The following B4GALNT3 variants were observed in gnomAD, a reference collection of about 807,000 sequenced individuals.
B4GALNT3 encodes beta-1,4-N-acetylgalactosaminyltransferase 3.
In B4GALNT3, 86 loss-of-function variants were observed where a neutral mutation model predicts 120.2. That is an observed-to-expected ratio of 0.72 (90% CI 0.60 to 0.86). B4GALNT3 has a LOEUF of 0.86. B4GALNT3 is among the 40% of genes least tolerant of loss of function. The pLI is 0.00. For synonymous variants in B4GALNT3, 518 were observed against 510.4 expected, an observed-to-expected ratio of 1.01 and a Z score of -0.20; for missense variants, 1,167 against 1,298.9, an observed-to-expected ratio of 0.90 and a Z score of 1.56.
intron 19 of B4GALNT3, 35 bp from the exon 20 acceptor site, chr12:561,308 C>T: frequency 6.4e-7 from 1 of 1,560,636 alleles, no homozygotes; most frequent in Non-Finnish European, 8.8e-7. Context: ...GCCTTCTGTG[C>T]TTCTGTTGGC....
intron 2 of B4GALNT3, 91 bp from the exon 3 acceptor site, chr12:536,127 G>T: frequency 9.7e-7 from 1 of 1,034,328 alleles, no homozygotes. Flanking sequence ...CCGAGCCGAC[G>T]CCTCCTGGGA....
chr12:487,723 A>G (rs898885079), intron 1 of B4GALNT3, among the ~76,000 whole-genome samples: 2 of 151,716 alleles, frequency 1.3e-5, no homozygotes, highest in Non-Finnish European at 2.9e-5. Flanking sequence ...GAAAAAAAAA[A>G]AAAGAAAGAA....
intron 14 of B4GALNT3, among the ~76,000 whole-genome samples, chr12:555,810 A>T (rs1947145742): frequency 6.6e-6 from 1 of 150,544 alleles, no homozygotes. Flanking sequence ...TTTGAGACGG[A>T]GTCTCGCTCT....
At chr12:543,660 G>A (rs1358262732) in intron 3 of B4GALNT3, among the ~76,000 whole-genome samples, 3 of 68,932 alleles carry the variant, frequency 4.4e-5, no homozygotes, top group East Asian at 4.3e-4. Context: ...GAGCTGGGGC[G>A]GGCATGGGGT....
intron 1 of B4GALNT3, among the ~76,000 whole-genome samples, chr12:512,944 C>CTTCTTCCACCTTCCACCTTCCACT (rs75933547): frequency 0.043 from 5,579 of 131,200 alleles, 235 homozygotes; most frequent in South Asian, 0.063. Context: ...CACCTTCCAC[C>CTTCTTCCACCTTCCACCTTCCACT]TTCTTCCACC....
intron 13 of B4GALNT3, chr12:552,974 T>G: frequency 3.2e-6 from 2 of 620,910 alleles, no homozygotes; most frequent in East Asian, 2.8e-5. Context: ...CACAAACCCA[T>G]GAGAGATGCA....
At chr12:557,994 G>A (rs1335555958) in intron 16 of B4GALNT3, 22 bp from the exon 17 acceptor site, 2 of 1,613,088 alleles carry the variant, frequency 1.2e-6, no homozygotes, top group Non-Finnish European at 8.5e-7. Flanking sequence ...CTGATACGCA[G>A]CCCTCTCTCC....
Position 543,241 on chromosome 12 carries a change from T to G in B4GALNT3, c.352-1098T>G, listed in dbSNP as rs140473464. The G allele has an allele frequency of 3.0e-3, 3,754 of 1,263,864 alleles. 11 individuals carry two copies. The highest frequency in any genetic ancestry group is 4.0e-3 in the South Asian group (319 of 80,450). The allele number at this position is 1,263,864 out of a possible 1,614,324, so 78.3% of individuals were successfully genotyped here. A position where few individuals can be genotyped will look rare whatever the true frequency, so the allele number is the denominator to read the frequency against. ...GAAGTGCTGGGTGCTGGGCTGGGAA[T>G]GGGATAGAGTGGGCCGGACCCGCAC... On this transcript the variant is annotated intron_variant, in intron 3 of 19. Coordinates refer to ENST00000266383, the MANE Select transcript of B4GALNT3 (RefSeq NM_173593.4).
intron 1 of B4GALNT3, among the ~76,000 whole-genome samples, chr12:467,612 C>T (rs1347465460): frequency 6.6e-6 from 1 of 152,166 alleles, no homozygotes; most frequent in African/African-American, 2.4e-5. Flanking sequence ...GCTTATTATA[C>T]TAGACAACAG....
At chr12:514,618 T>A (rs1306108143) in intron 1 of B4GALNT3, among the ~76,000 whole-genome samples, 1 of 152,090 alleles carries the variant, frequency 6.6e-6, no homozygotes, top group Admixed American at 6.6e-5. Flanking sequence ...GAAGAGATGC[T>A]TTTTTTTCTT....
intron 1 of B4GALNT3, among the ~76,000 whole-genome samples, chr12:490,500 G>A (rs1334581553): frequency 6.6e-6 from 1 of 152,168 alleles, no homozygotes; most frequent in Non-Finnish European, 1.5e-5. Context: ...ACTTTGGGAG[G>A]CAGAAGTGGG....
At position 544,895 on chromosome 12, in the gene B4GALNT3, TGAG is replaced by T; in HGVS notation, c.464_466del (p.Arg155del). On this transcript the variant is annotated inframe_deletion, in exon 5 of 20. Coordinates refer to ENST00000266383, the MANE Select transcript of B4GALNT3 (RefSeq NM_173593.4). ...TTCTTGGCATAGATTCGCACAACCCTGAGGAAGCTTGCTGTGTCCCCCAAATGG... is the reference window on the plus strand; with the variant it reads ...TTCTTGGCATAGATTCGCACAACCCTGAAGCTTGCTGTGTCCCCCAAATGG... The T allele has an allele frequency of 6.2e-7, 1 of 1,613,772 alleles. No homozygotes were observed. The highest frequency in any genetic ancestry group is 8.5e-7 in the Non-Finnish European group (1 of 1,179,828).
chr12:558,076 A>G lies in B4GALNT3; in HGVS notation c.2595A>G (p.Ile865Met), dbSNP rs1302583068. 4 of 1,613,786 alleles carry G rather than the reference A, an allele frequency of 2.5e-6. No homozygotes were observed. In the South Asian group the frequency reaches 4.4e-5, roughly 18 times the overall value. ...GCTCAGCTGGACTTCAGGCTGGCAT[A>G]GACCTCGTGAAGGTAAAGGGCCTGG... ...FERSAGLQAG[I>M]DLVKDPHSII... Residue 865 changes from isoleucine to methionine, a missense_variant, in exon 17 of 20, where the codon ATA becomes ATG. Ile to Met is a conservative substitution (Grantham distance 10, BLOSUM62 1). Transcript: ENST00000266383.
intron 1 of B4GALNT3, among the ~76,000 whole-genome samples, chr12:467,292 C>T (rs1193807224): frequency 3.3e-5 from 5 of 152,094 alleles, no homozygotes; most frequent in Non-Finnish European, 7.4e-5. Context: ...GGTGTGGTGG[C>T]TCACACCTGT....
chr12:523,853 G>T (rs1317360273), intron 1 of B4GALNT3, among the ~76,000 whole-genome samples: 2 of 152,174 alleles, frequency 1.3e-5, no homozygotes, highest in Non-Finnish European at 2.9e-5. Context: ...ACGAGGTCAG[G>T]AGTTCGAGAC....
At chr12:552,915 G>T in intron 13 of B4GALNT3, 1 of 519,032 alleles carries the variant, frequency 1.9e-6, no homozygotes, top group Non-Finnish European at 3.4e-6. Context: ...GGTCCCTCAG[G>T]TGCTATGCAC....
At chr12:545,246 A>C in intron 5 of B4GALNT3, 123 bp from the exon 6 acceptor site, 1 of 1,471,192 alleles carries the variant, frequency 6.8e-7, no homozygotes. Context: ...CCCACTTTAC[A>C]GAGAGGGAAG....
intron 1 of B4GALNT3, among the ~76,000 whole-genome samples, chr12:516,039 G>A (rs1337936892): frequency 2.0e-5 from 3 of 151,952 alleles, no homozygotes; most frequent in East Asian, 1.9e-4. Flanking sequence ...CCAGCTACTC[G>A]GGAGGCTAAG....
chr12:484,799 T>TA (rs71045065), intron 1 of B4GALNT3, among the ~76,000 whole-genome samples: 39,493 of 143,796 alleles, frequency 0.27, 5,609 homozygotes, highest in Middle Eastern at 0.43. Flanking sequence ...GGAGAAAAAT[T>TA]AAAAAAAAAA....
Sources: allele counts gnomAD v4.1 joint callset (sites outside exome capture counted in the v4.1 genomes callset), GRCh38; gene constraint gnomAD v4.1.1; transcripts MANE v1.5; gene names NCBI Gene and HGNC (gene_info 2026-07-23, HGNC 2026-07-21).